HDAC4: variants seen among roughly 807,000 people sequenced by gnomAD.
HDAC4 encodes the protein histone deacetylase 4.
A neutral mutation model predicts 135.1 loss-of-function variants in HDAC4; 16 were observed. The observed-to-expected ratio is 0.12, with a 90% CI of 0.08 to 0.18. The LOEUF (loss-of-function observed/expected upper bound fraction) is 0.18. Ranked by LOEUF, HDAC4 falls within the 10% of genes least tolerant of loss-of-function variation. The pLI is 1.00. For synonymous variants in HDAC4, 685 were observed against 653.4 expected (o/e 1.05, Z -0.74); for missense variants, 1,143 against 1,511.8 (o/e 0.76, Z 4.05).
chr2:239,169,736 T>G (rs2043335596), intron 5 of HDAC4, among the ~76,000 whole-genome samples: 1 of 151,860 alleles, frequency 6.6e-6, no homozygotes, highest in East Asian at 1.9e-4. Context: ...AGACCAGGCG[T>G]GCGTGTGTGC....
At chr2:239,395,681 G>C (rs896736561) in intron 1 of HDAC4, among the ~76,000 whole-genome samples, 13 of 152,158 alleles carry the variant, frequency 8.5e-5, no homozygotes, top group Admixed American at 2.6e-4. Context: ...GTGGCCCGGG[G>C]ACTGCTCCAG....
At chr2:239,054,018 G>A (rs1239547602) in intron 25 of HDAC4, among the ~76,000 whole-genome samples, 4 of 151,890 alleles carry the variant, frequency 2.6e-5, no homozygotes, top group Admixed American at 2.0e-4. Flanking sequence ...TTCTGCCTGG[G>A]CCCTCACAGA....
intron 15 of HDAC4, among the ~76,000 whole-genome samples, chr2:239,104,252 C>T (rs560298490): frequency 2.0e-5 from 3 of 152,132 alleles, no homozygotes; most frequent in Admixed American, 6.5e-5. Flanking sequence ...TTTTTTGAAA[C>T]GGAGTTTCGC....
intron 3 of HDAC4, among the ~76,000 whole-genome samples, chr2:239,205,060 A>C (rs2045963322): frequency 6.6e-6 from 1 of 151,978 alleles, no homozygotes; most frequent in Non-Finnish European, 1.5e-5. Context: ...TCCTGCAGGC[A>C]CTCATCCTTC....
At chr2:239,065,137 G>T (rs1471100802) in intron 24 of HDAC4, among the ~76,000 whole-genome samples, 2 of 152,208 alleles carry the variant, frequency 1.3e-5, no homozygotes, top group African/African-American at 4.8e-5. Context: ...GGCTTGCACA[G>T]AGTGTCCTGG....
intron 1 of HDAC4, among the ~76,000 whole-genome samples, chr2:239,357,602 G>A (rs1693580030): frequency 6.6e-6 from 1 of 151,710 alleles, no homozygotes; most frequent in South Asian, 2.1e-4. Context: ...TGAGAGAGGG[G>A]GCCAGGTGTG....
chr2:239,082,173 T>C lies in HDAC4; in HGVS notation c.2581A>G (p.Ser861Gly). 1 of 1,614,048 alleles carries C rather than the reference T, an allele frequency of 6.2e-7. No homozygotes were observed. Among genetic ancestry groups the C allele is most frequent in the Non-Finnish European group, 8.5e-7 (1 of 1,179,986 alleles). Reference sequence around the variant, plus strand: ...CGGTGGAGGGACATGTACAGGACGCTGGGGTCGCTGTAGAAAGCCTGCTGG... The same window carrying C: ...CGGTGGAGGGACATGTACAGGACGCCGGGGTCGCTGTAGAAAGCCTGCTGG... ...GTQQAFYSDP[S>G]VLYMSLHRYD... is the part of the protein sequence containing the mutation. Residue 861 changes from serine to glycine, a missense_variant, in exon 21 of 27, where the codon AGC becomes GGC. Ser to Gly is a moderately conservative substitution (Grantham distance 56, BLOSUM62 0). This residue lies in a region of HDAC4 where 189 missense variants were observed against 317.6 expected (regional missense o/e 0.60). Transcript: ENST00000543185.
chr2:239,336,197 A>T (rs1312606685), intron 2 of HDAC4, among the ~76,000 whole-genome samples: 1 of 152,208 alleles, frequency 6.6e-6, no homozygotes, highest in Non-Finnish European at 1.5e-5. Context: ...GAGAAGTGGT[A>T]TCTAGAGGGT....
At chr2:239,390,847 G>C (rs1369197672) in intron 1 of HDAC4, among the ~76,000 whole-genome samples, 1 of 152,238 alleles carries the variant, frequency 6.6e-6, no homozygotes, top group African/African-American at 2.4e-5. Flanking sequence ...AAGGCAGTGG[G>C]CAAAATGCAC....
Position 239,051,988 on chromosome 2 carries a change from A to C in HDAC4, c.*1109T>G, listed in dbSNP as rs1046119169. 2.0e-5 allele frequency: 3 copies of C among 152,350 alleles called. No homozygotes were observed. Among genetic ancestry groups the C allele is most frequent in the African/African-American group, 7.2e-5 (3 of 41,380 alleles). The allele number at this position is 152,350 out of a possible 1,614,324, so 9.4% of individuals were successfully genotyped here. ...TATATTTATTTATACCTAAAATTTA[A>C]GCAATACTTCATGCTACTTGCTTTT... On this transcript the variant is annotated 3_prime_UTR_variant, in exon 27 of 27. Coordinates refer to ENST00000543185, the MANE Select transcript of HDAC4 (RefSeq NM_001378414.1).
At chr2:239,119,060 C>T (rs1424248806) in intron 12 of HDAC4, among the ~76,000 whole-genome samples, 1 of 152,154 alleles carries the variant, frequency 6.6e-6, no homozygotes, top group East Asian at 1.9e-4. Context: ...AAGATGGCAT[C>T]CAAGTCTTGG....
intron 13 of HDAC4, among the ~76,000 whole-genome samples, chr2:239,113,994 C>T (rs1559453671): frequency 6.6e-6 from 1 of 152,188 alleles, no homozygotes; most frequent in South Asian, 2.1e-4. Flanking sequence ...TGGAGAAGGG[C>T]TCCTGACCCA....
intron 2 of HDAC4, among the ~76,000 whole-genome samples, chr2:239,276,256 C>G (rs1002853053): frequency 6.6e-6 from 1 of 152,212 alleles, no homozygotes; most frequent in Non-Finnish European, 1.5e-5. Flanking sequence ...AGAGCGGGTG[C>G]GGACCCTTGG....
intron 12 of HDAC4, among the ~76,000 whole-genome samples, chr2:239,120,665 G>A (rs1482083917): frequency 6.6e-6 from 1 of 151,554 alleles, no homozygotes; most frequent in Non-Finnish European, 1.5e-5. Context: ...GGACCTTAGA[G>A]GGGACCCTGT....
intron 11 of HDAC4, among the ~76,000 whole-genome samples, chr2:239,127,881 T>G (rs2040304803): frequency 1.3e-5 from 2 of 152,224 alleles, no homozygotes; most frequent in Non-Finnish European, 2.9e-5. Context: ...CAGCTGGGTG[T>G]GTCATCAGGT....
chr2:239,208,636 CAG>C (rs1051471823), intron 3 of HDAC4, among the ~76,000 whole-genome samples: 5 of 152,124 alleles, frequency 3.3e-5, no homozygotes, highest in Non-Finnish European at 7.3e-5. Flanking sequence ...TCCAAGGCTA[CAG>C]ATACTGAGCT....
At chr2:239,239,831 C>A (rs1222109435) in intron 2 of HDAC4, among the ~76,000 whole-genome samples, 1 of 152,224 alleles carries the variant, frequency 6.6e-6, no homozygotes, top group Non-Finnish European at 1.5e-5. Context: ...TCTCGCGGAA[C>A]AGGGCAGCCA....
intron 13 of HDAC4, 130 bp downstream of exon 13, chr2:239,114,923 A>G: frequency 9.1e-7 from 1 of 1,098,980 alleles, no homozygotes; most frequent in Non-Finnish European, 1.3e-6. Context: ...AGGACAAGAC[A>G]GGTGAGACAC....
intron 22 of HDAC4, among the ~76,000 whole-genome samples, chr2:239,076,026 C>T (rs544740096): frequency 6.6e-6 from 1 of 151,402 alleles, no homozygotes; most frequent in African/African-American, 2.4e-5. Flanking sequence ...TGCCAGCGAA[C>T]TCTCCTTGGC....
Sources: gnomAD v4.1 joint callset for allele counts (sites outside exome capture counted in the v4.1 genomes callset) on GRCh38, gnomAD v4.1.1 for gene constraint, gnomAD v4.1.1 regional missense constraint, MANE v1.5 for transcripts, NCBI Gene and HGNC (gene_info 2026-07-23, HGNC 2026-07-21) for gene names.